The following NCAM2 variants were observed in gnomAD, a reference collection of about 807,000 sequenced individuals.
NCAM2 encodes the protein neural cell adhesion molecule 2.
A neutral mutation model predicts 98.1 loss-of-function variants in NCAM2; 30 were observed. The ratio of observed to expected loss-of-function variants is 0.31; its 90% confidence interval spans 0.23 to 0.41. The LOEUF is 0.41. Ranked by LOEUF, NCAM2 falls within the 10% of genes least tolerant of loss-of-function variation. NCAM2 has a pLI of 1.00. For synonymous variants in NCAM2, 368 were observed against 342.4 expected, an observed-to-expected ratio of 1.07 and a Z score of -0.83; for missense variants, 867 against 1,005.8, an observed-to-expected ratio of 0.86 and a Z score of 1.87.
chr21:21,271,666 A>T (rs1170890612), intron 1 of NCAM2, among the ~76,000 whole-genome samples: 1 of 152,204 alleles, frequency 6.6e-6, no homozygotes, highest in East Asian at 1.9e-4. Context: ...TGGAGTACTC[A>T]TGTATGACTG....
rs1990083005 is a variant in NCAM2, at chr21:21,538,108, C to G, written c.*151C>G. 2.5e-6 allele frequency: 1 copy of G among 402,308 alleles called. No individual in the cohort carries two copies. The highest frequency in any genetic ancestry group is 4.5e-6 in the Non-Finnish European group (1 of 220,046). 24.9% of individuals were successfully genotyped at this position (402,308 alleles called of 1,614,324 possible). ...TATACATATGATCAAATACTCCTGC[C>G]CATGATCCATTCCCTTTTGTTATTG... On this transcript the variant is annotated 3_prime_UTR_variant, in exon 18 of 18. Transcript: ENST00000400546.
intron 6 of NCAM2, among the ~76,000 whole-genome samples, chr21:21,325,493 T>C (rs2074488616): frequency 6.6e-6 from 1 of 152,198 alleles, no homozygotes; most frequent in African/African-American, 2.4e-5. Context: ...ATATTGTGTG[T>C]TTTGATGTTC....
chr21:21,255,357 A>AAGGG (rs1387168696), intron 1 of NCAM2, among the ~76,000 whole-genome samples: 1 of 152,188 alleles, frequency 6.6e-6, no homozygotes, highest in Non-Finnish European at 1.5e-5. Flanking sequence ...CCCAGGATCT[A>AAGGG]AGGCTGCCCG....
chr21:21,095,563 A>G (rs1490167855), intron 1 of NCAM2, among the ~76,000 whole-genome samples: 1 of 151,616 alleles, frequency 6.6e-6, no homozygotes, highest in African/African-American at 2.4e-5. Flanking sequence ...GTATGGAGGA[A>G]AAATAAGTAA....
At chr21:21,225,493 C>T (rs1299813260) in intron 1 of NCAM2, among the ~76,000 whole-genome samples, 1 of 151,964 alleles carries the variant, frequency 6.6e-6, no homozygotes, top group Non-Finnish European at 1.5e-5. Context: ...TATAGAATTT[C>T]TCAAAGCTCA....
At chr21:21,145,469 C>G (rs1481286151) in intron 1 of NCAM2, among the ~76,000 whole-genome samples, 1 of 152,040 alleles carries the variant, frequency 6.6e-6, no homozygotes, top group African/African-American at 2.4e-5. Context: ...TTTTGTCCAT[C>G]AAAGTATGCA....
chr21:21,211,860 A>G (rs1350572188), intron 1 of NCAM2, among the ~76,000 whole-genome samples: 6 of 152,170 alleles, frequency 3.9e-5, no homozygotes, highest in Admixed American at 3.9e-4. Context: ...TCCTGAGGAT[A>G]GGAACTTGTC....
chr21:21,338,442 G>A lies in NCAM2; in HGVS notation c.952G>A (p.Val318Ile). The A allele has an allele frequency of 6.2e-7, 1 of 1,612,722 alleles. No homozygotes were observed. The highest frequency in any genetic ancestry group is 8.5e-7 in the Non-Finnish European group (1 of 1,179,140). Residue 318 changes from valine to isoleucine, a missense_variant, in exon 8 of 18, where the codon GTC becomes ATC. Coordinates refer to ENST00000400546, the MANE Select transcript of NCAM2 (RefSeq NM_004540.5). The stretch of plus-strand genomic sequence containing the variant: ...TGAAACTACATATGAGAATGGTCAA[G>A]TCACACTCGTATGTGATGCGGAAGG... ...KNETTYENGQ[V>I]TLVCDAEGEP...
At chr21:21,078,479 C>G (rs1475658040) in intron 1 of NCAM2, among the ~76,000 whole-genome samples, 1 of 152,138 alleles carries the variant, frequency 6.6e-6, no homozygotes, top group African/African-American at 2.4e-5. Flanking sequence ...ATCAAAACCA[C>G]AATGCAATAC....
At chr21:21,233,477 C>T (rs1486094771) in intron 1 of NCAM2, among the ~76,000 whole-genome samples, 1 of 151,438 alleles carries the variant, frequency 6.6e-6, no homozygotes, top group Non-Finnish European at 1.5e-5. Flanking sequence ...ATTTGACATG[C>T]CATTTTCTCT....
chr21:21,046,712 C>T (rs1256897716), intron 1 of NCAM2, among the ~76,000 whole-genome samples: 1 of 152,066 alleles, frequency 6.6e-6, no homozygotes, highest in Non-Finnish European at 1.5e-5. Flanking sequence ...TACTGCAGTT[C>T]AGGGAAACTT....
intron 15 of NCAM2, among the ~76,000 whole-genome samples, chr21:21,493,388 C>A (rs1234876628): frequency 6.6e-6 from 1 of 151,862 alleles, no homozygotes; most frequent in East Asian, 1.9e-4. Context: ...TTTAAATAGA[C>A]TTTAGTTTTT....
At chr21:21,480,511 T>C (rs1324699914) in intron 15 of NCAM2, among the ~76,000 whole-genome samples, 4 of 151,876 alleles carry the variant, frequency 2.6e-5, no homozygotes, top group Non-Finnish European at 5.9e-5. Context: ...AAGAGCATGA[T>C]CTGTTCTAGG....
intron 8 of NCAM2, among the ~76,000 whole-genome samples, chr21:21,365,077 G>A (rs2075751215): frequency 6.6e-6 from 1 of 152,122 alleles, no homozygotes; most frequent in African/African-American, 2.4e-5. Flanking sequence ...AGGAGACAGT[G>A]TTCTGAGTTT....
At chr21:21,123,835 T>G (rs971574671) in intron 1 of NCAM2, among the ~76,000 whole-genome samples, 1 of 137,242 alleles carries the variant, frequency 7.3e-6, no homozygotes, top group Non-Finnish European at 1.6e-5. Context: ...ACATTTGAAT[T>G]CATTCTTGAT....
At position 20,998,510 on chromosome 21, in the gene NCAM2, T is replaced by C. The variant is rs2063959264; in HGVS notation, c.-54T>C. The C allele has an allele frequency of 8.2e-6, 13 of 1,588,862 alleles. No individual in the cohort carries two copies. Among genetic ancestry groups the C allele is most frequent in the South Asian group, 6.6e-5 (6 of 90,266 alleles). ...GGCCGGGGCAGCGAAAGGTTCTCTC[T>C]CCAGGGCTGGACTTAATAACTTTGA... On this transcript the variant is annotated 5_prime_UTR_variant, in exon 1 of 18. Coordinates refer to ENST00000400546, the MANE Select transcript of NCAM2 (RefSeq NM_004540.5).
intron 5 of NCAM2, among the ~76,000 whole-genome samples, chr21:21,313,819 T>C (rs1281199098): frequency 2.0e-5 from 3 of 152,090 alleles, no homozygotes; most frequent in Admixed American, 1.3e-4. Flanking sequence ...TTACTGTATC[T>C]ATAATGTTTC....
chr21:21,398,895 T>C (rs2076571366), intron 9 of NCAM2, among the ~76,000 whole-genome samples: 1 of 152,138 alleles, frequency 6.6e-6, no homozygotes, highest in Non-Finnish European at 1.5e-5. Context: ...ACATGAGAGA[T>C]GAGAGTTGGC....
At chr21:21,292,433 T>G (rs9978043) in intron 5 of NCAM2, among the ~76,000 whole-genome samples, 192 bp downstream of exon 5, 53,717 of 151,414 alleles carry the variant, frequency 0.35, 10,664 homozygotes, top group East Asian at 0.57. Context: ...CCATGACTTA[T>G]GTTACATTGT....
Sources: allele counts gnomAD v4.1 joint callset (sites outside exome capture counted in the v4.1 genomes callset), GRCh38; gene constraint gnomAD v4.1.1; transcripts MANE v1.5; gene names NCBI Gene and HGNC (gene_info 2026-07-23, HGNC 2026-07-21).